Variants in ROBO2 observed in about 807,000 individuals in gnomAD.
The protein encoded by ROBO2 is roundabout guidance receptor 2, also known as roundabout homolog 2.
Under a neutral mutation model 160.8 loss-of-function variants are expected in ROBO2, and 53 were observed. The observed-to-expected ratio is 0.33, with a 90% CI of 0.26 to 0.41. ROBO2 has a LOEUF of 0.41. Among genes scored for constraint, ROBO2 ranks in the 10% least tolerant of loss-of-function variants. ROBO2 has a pLI of 1.00. For missense variants in ROBO2, 1,577 were observed against 1,722.4 expected, an observed-to-expected ratio of 0.92 and a Z score of 1.49; for synonymous variants, 664 against 611.7, an observed-to-expected ratio of 1.09 and a Z score of -1.26.
intron 2 of ROBO2, among the ~76,000 whole-genome samples, chr3:77,164,633 C>T (rs75420527): frequency 1.7e-5 from 2 of 117,940 alleles, no homozygotes; most frequent in Admixed American, 8.5e-5. Flanking sequence ...CCCCTCTGCC[C>T]GGCCAGCCGC....
intron 1 of ROBO2, among the ~76,000 whole-genome samples, chr3:77,058,964 G>A (rs988074240): frequency 6.6e-6 from 1 of 152,320 alleles, no homozygotes; most frequent in South Asian, 2.1e-4. Context: ...CATCTGCAAT[G>A]TGCTGAATAC....
chr3:76,760,818 G>A (rs1385809994), intron 2 of ROBO2, among the ~76,000 whole-genome samples: 1 of 151,538 alleles, frequency 6.6e-6, no homozygotes, highest in Non-Finnish European at 1.5e-5. Flanking sequence ...AATTTTATTA[G>A]TTTTAGAGTT....
intron 2 of ROBO2, among the ~76,000 whole-genome samples, chr3:76,112,761 T>C (rs908846624): frequency 2.0e-5 from 3 of 152,076 alleles, no homozygotes; most frequent in African/African-American, 7.2e-5. Flanking sequence ...GATTGAGATT[T>C]TATAATTTTT....
At chr3:76,236,030 G>A (rs2107493518) in intron 2 of ROBO2, among the ~76,000 whole-genome samples, 1 of 152,104 alleles carries the variant, frequency 6.6e-6, no homozygotes, top group East Asian at 1.9e-4. Context: ...ACCTCATATA[G>A]TTAATTTTCT....
intron 2 of ROBO2, among the ~76,000 whole-genome samples, chr3:75,978,565 T>G (rs1384908304): frequency 6.6e-6 from 1 of 151,504 alleles, no homozygotes; most frequent in Non-Finnish European, 1.5e-5. Context: ...GTCTGAAAAT[T>G]TTAAAATTAC....
intron 2 of ROBO2, among the ~76,000 whole-genome samples, chr3:76,641,273 C>A (rs187848717): frequency 6.6e-6 from 1 of 152,266 alleles, no homozygotes; most frequent in Non-Finnish European, 1.5e-5. Context: ...CCTAGCCATG[C>A]AATCAAGGTT....
At chr3:77,597,327 A>AT (rs2094330093) in intron 19 of ROBO2, among the ~76,000 whole-genome samples, 2 of 151,184 alleles carry the variant, frequency 1.3e-5, no homozygotes, top group East Asian at 1.9e-4. Flanking sequence ...AAATAAATAA[A>AT]AAAGACAAAA....
chr3:77,167,818 C>A (rs1424391305), intron 2 of ROBO2, among the ~76,000 whole-genome samples: 1 of 152,150 alleles, frequency 6.6e-6, no homozygotes, highest in African/African-American at 2.4e-5. Flanking sequence ...GTTACCCTGA[C>A]ACTTCCATTA....
chr3:76,710,740 TG>T (rs892399007), intron 2 of ROBO2, among the ~76,000 whole-genome samples: 9 of 152,148 alleles, frequency 5.9e-5, no homozygotes, highest in African/African-American at 2.2e-4. Context: ...TTTGAAAATG[TG>T]AGCAACTTGA....
intron 2 of ROBO2, among the ~76,000 whole-genome samples, chr3:76,426,336 C>A (rs1048890956): frequency 3.3e-5 from 5 of 151,894 alleles, no homozygotes; most frequent in Admixed American, 3.3e-4. Context: ...TAAGGAGTCA[C>A]AAGAGTAGCA....
chr3:77,021,323 C>T (rs971157716), intron 2 of ROBO2, among the ~76,000 whole-genome samples: 2 of 152,148 alleles, frequency 1.3e-5, no homozygotes, highest in African/African-American at 2.4e-5. Flanking sequence ...CCTTCTCCTA[C>T]CCTCCTGTCT....
chr3:77,120,408 C>T (rs1240318086), intron 2 of ROBO2, among the ~76,000 whole-genome samples: 1 of 152,128 alleles, frequency 6.6e-6, no homozygotes, highest in Non-Finnish European at 1.5e-5. Flanking sequence ...CATTTTTCTC[C>T]TGCTCTGGAT....
intron 2 of ROBO2, among the ~76,000 whole-genome samples, chr3:77,173,043 G>C (rs1300425910): frequency 6.6e-6 from 1 of 152,166 alleles, no homozygotes; most frequent in African/African-American, 2.4e-5. Context: ...GAGATGTCAG[G>C]TAGATAGACA....
intron 2 of ROBO2, among the ~76,000 whole-genome samples, chr3:76,965,919 TTC>T (rs1491260781): frequency 7.2e-6 from 1 of 139,512 alleles, no homozygotes; most frequent in African/African-American, 2.6e-5. Flanking sequence ...TAGGCATATT[TTC>T]TTTTTTTTTT....
chr3:77,191,044 G>A (rs2081791886), intron 2 of ROBO2, among the ~76,000 whole-genome samples: 5 of 151,914 alleles, frequency 3.3e-5, no homozygotes, highest in Admixed American at 2.0e-4. Context: ...AGATAAAAAC[G>A]AATTAACAAC....
intron 2 of ROBO2, among the ~76,000 whole-genome samples, chr3:76,053,420 T>A (rs1346419585): frequency 6.6e-6 from 1 of 152,028 alleles, no homozygotes; most frequent in Non-Finnish European, 1.5e-5. Flanking sequence ...TTCTTTCATT[T>A]CAAAACCTAA....
At chr3:76,828,193 A>G (rs979085064) in intron 2 of ROBO2, among the ~76,000 whole-genome samples, 3 of 152,152 alleles carry the variant, frequency 2.0e-5, no homozygotes, top group Non-Finnish European at 4.4e-5. Context: ...GTGAAACTCT[A>G]TGAGTCACAG....
chr3:76,690,915 A>G (rs1208640159), intron 2 of ROBO2, among the ~76,000 whole-genome samples: 1 of 152,038 alleles, frequency 6.6e-6, no homozygotes, highest in Non-Finnish European at 1.5e-5. Context: ...CACTGTGACA[A>G]TATTAACAGG....
At chr3:77,331,698 T>C (rs1022503983) in intron 2 of ROBO2, among the ~76,000 whole-genome samples, 1 of 151,324 alleles carries the variant, frequency 6.6e-6, no homozygotes, top group African/African-American at 2.4e-5. Flanking sequence ...TATTTACTTA[T>C]TTATTTATTT....
Sources: allele counts gnomAD v4.1 joint callset (sites outside exome capture counted in the v4.1 genomes callset), GRCh38; gene constraint gnomAD v4.1.1; transcripts MANE v1.5; gene names NCBI Gene and HGNC (gene_info 2026-07-23, HGNC 2026-07-21).